The following PLK3 variants were observed in gnomAD, a reference collection of about 807,000 sequenced individuals.
PLK3 encodes the protein polo like kinase 3.
In PLK3, 41 loss-of-function variants were observed where a neutral mutation model predicts 71.6. The observed-to-expected ratio is 0.57, with a 90% CI of 0.45 to 0.74. The LOEUF is 0.74. Ranked by LOEUF, PLK3 falls within the 30% of genes least tolerant of loss-of-function variation. The pLI is 0.00. For missense variants in PLK3, 791 were observed against 875.6 expected (o/e 0.90, Z 1.22); for synonymous variants, 366 against 355.4 (o/e 1.03, Z -0.33).
rs551017916 is a variant in PLK3 at position 44,801,506 on chromosome 1, C to G, written c.436-116C>G. 24 of 1,142,828 alleles carry G rather than the reference C, an allele frequency of 2.1e-5. No homozygotes were observed. In the African/African-American group the frequency reaches 3.7e-4, roughly 17 times the overall value. The allele number at this position is 1,142,828 out of a possible 1,614,324, so 70.8% of individuals were successfully genotyped here. ...TACAGGCGTGAGCCACTACACCCAG[C>G]CGAGAAGACAGTCTTAAGACCCAAA... On this transcript the variant is annotated intron_variant, in intron 3 of 14. Coordinates refer to ENST00000372201, the MANE Select transcript of PLK3 (RefSeq NM_004073.4).
At position 44,803,839 on chromosome 1, in the gene PLK3, G is replaced by A; in HGVS notation, c.1165-92G>A. On this transcript the variant is annotated intron_variant, in intron 9 of 14. Transcript: ENST00000372201. The surrounding 1 kb of genome is among the most constrained non-coding windows in gnomAD (Gnocchi z 4.3). ...ACCAGCCTGGCGGGGCTGACCTGGGGTGCCCTGGGAGCCAGGGCAGGGCCA... is the reference window on the plus strand; with the variant it reads ...ACCAGCCTGGCGGGGCTGACCTGGGATGCCCTGGGAGCCAGGGCAGGGCCA... 1 of 1,152,598 alleles carries A rather than the reference G, an allele frequency of 8.7e-7. No individual in the cohort carries two copies. Among genetic ancestry groups the A allele is most frequent in the Non-Finnish European group, 1.3e-6 (1 of 789,622 alleles). 71.4% of individuals were successfully genotyped at this position (1,152,598 alleles called of 1,614,324 possible). A position where few individuals can be genotyped will look rare whatever the true frequency, so the allele number is the denominator to read the frequency against.
Position 44,804,511 on chromosome 1 carries a change from G to GT in PLK3, c.1505+12dup, listed in dbSNP as rs1557624092. On this transcript the variant is annotated intron_variant, in intron 12 of 14. Transcript: ENST00000372201. ...TGTCGGCCAACAGAAAGTAAGTGCTGTTATGGGGTGCCTTGTATTCAGGCC... is the reference window on the plus strand; with the variant it reads ...TGTCGGCCAACAGAAAGTAAGTGCTGTTTATGGGGTGCCTTGTATTCAGGCC... 1 of 1,613,776 alleles carries GT rather than the reference G, an allele frequency of 6.2e-7. No homozygotes were observed. Among genetic ancestry groups the GT allele is most frequent in the Admixed American group, 1.7e-5 (1 of 60,008 alleles).
rs1305086641 is a variant in PLK3, at chr1:44,802,623, A to T, written c.654-137A>T. The T allele has an allele frequency of 5.9e-6, 4 of 673,692 alleles. No homozygotes were observed. The South Asian group carries it at 6.9e-5, about 12-fold the overall frequency. 41.7% of individuals were successfully genotyped at this position (673,692 alleles called of 1,614,324 possible). On this transcript the variant is annotated intron_variant, in intron 5 of 14. Transcript: ENST00000372201. ...GACTCAGCTGCCATCCCTGGCATCC[A>T]TTGTCCCAGGACAAGCAGGAGTTCT...
intron 4 of PLK3, 30 bp downstream of exon 4, chr1:44,801,781 G>T (rs750369907): frequency 3.8e-5 from 32 of 840,988 alleles, no homozygotes; most frequent in Admixed American, 1.2e-4. Context: ...AGGATGGGAG[G>T]TTGGGGAGGG....
chr1:44,805,226 C>G (rs1573615017), intron 13 of PLK3, 40 bp from the exon 14 acceptor site: 1 of 1,367,790 alleles, frequency 7.3e-7, no homozygotes, highest in Non-Finnish European at 1.0e-6. Flanking sequence ...AGGGGGCTGT[C>G]TCACGCTGGA....
intron 5 of PLK3, 70 bp from the exon 6 acceptor site, chr1:44,802,690 G>T (rs952094584): frequency 3.9e-5 from 41 of 1,040,914 alleles, no homozygotes; most frequent in Non-Finnish European, 5.9e-5. Flanking sequence ...TGGACTAACA[G>T]TGGGGGAAGG....
intron 12 of PLK3, 73 bp from the exon 13 acceptor site, chr1:44,804,577 C>T: frequency 6.2e-7 from 1 of 1,603,492 alleles, no homozygotes; most frequent in Non-Finnish European, 8.5e-7. Context: ...TGCTCCTGGG[C>T]TCAGGGGTCT....
At chr1:44,804,073 A>T in intron 10 of PLK3, 49 bp downstream of exon 10, 1 of 1,546,866 alleles carries the variant, frequency 6.5e-7, no homozygotes, top group Non-Finnish European at 8.9e-7. Flanking sequence ...TGGAGCTGAG[A>T]TCAGGGGCGA....
At position 44,805,589 on chromosome 1, in the gene PLK3, T is replaced by C. The variant is rs17881786; in HGVS notation, c.1852T>C (p.Ser618Pro). The C allele has an allele frequency of 2.9e-5, 47 of 1,614,062 alleles. No homozygotes were observed. The East Asian group carries it at 1.0e-3, about 34-fold the overall frequency. Residue 618 changes from serine (S) to proline (P), a missense_variant, in exon 15 of 15, where the codon TCC becomes CCC. Transcript: ENST00000372201. ...TCGTAGTGCTTGTACTTACCTCGCT[T>C]CCCACCTTCGGCAGCTGGGCTGCTC... ...RNRSACTYLA[S>P]HLRQLGCSPD... is the part of the protein sequence containing the mutation.
rs761731550 is a variant in PLK3, at chr1:44,800,859, A to G, written c.230A>G (p.Tyr77Cys). 6 of 1,610,850 alleles carry G rather than the reference A, an allele frequency of 3.7e-6. No homozygotes were observed. The Admixed American group carries it at 6.7e-5, about 18-fold the overall frequency. ...TCACAGGGGGGCTTCGCCCGCTGCT[A>G]CGAGGCCACTGACACAGAGACTGGC... Reference protein sequence around the residue: ...LLGKGGFARCYEATDTETGSA... With the variant: ...LLGKGGFARCCEATDTETGSA... The change falls in exon 2 of 15, where the codon TAC becomes TGC. Residue 77 changes from tyrosine to cysteine, a missense_variant. Physicochemically the swap from Tyr to Cys is radical, Grantham distance 194. Coordinates refer to ENST00000372201, the MANE Select transcript of PLK3 (RefSeq NM_004073.4). This position sits in a 1 kb window ranked among gnomAD's most constrained non-coding sequence, Gnocchi z 6.5.
chr1:44,804,174 G>A lies in PLK3; in HGVS notation c.1270G>A (p.Gly424Ser). ...LASSGDGFEE[G>S]LTVATVVESA... ...CCTGTCTCCTTCAGGATTTGAAGAAGGTCTGACTGTGGCCACAGTAGTGGA... is the reference window on the plus strand; with the variant it reads ...CCTGTCTCCTTCAGGATTTGAAGAAAGTCTGACTGTGGCCACAGTAGTGGA... Residue 424 changes from glycine (G) to serine (S), a missense_variant, in exon 11 of 15, where the codon GGT becomes AGT. Coordinates refer to ENST00000372201, the MANE Select transcript of PLK3 (RefSeq NM_004073.4). 1 of 1,613,750 alleles carries A rather than the reference G, an allele frequency of 6.2e-7. No homozygotes were observed. Among genetic ancestry groups the A allele is most frequent in the Non-Finnish European group, 8.5e-7 (1 of 1,179,656 alleles).
chr1:44,800,874 CAG>C lies in PLK3; in HGVS notation c.249_250del (p.Glu83AspfsTer27), dbSNP rs1651804480. ...GCCCGCTGCTACGAGGCCACTGACA[CAG>C]AGACTGGCAGCGCCTACGCTGTCAA... On this transcript the variant is annotated frameshift_variant, in exon 2 of 15. Transcript: ENST00000372201. LOFTEE classifies it high-confidence loss of function. The surrounding 1 kb of genome is among the most constrained non-coding windows in gnomAD (Gnocchi z 6.5). 6.2e-7 allele frequency: 1 copy of C among 1,611,804 alleles called. No homozygotes were observed. Among genetic ancestry groups the C allele is most frequent in the Non-Finnish European group, 8.5e-7 (1 of 1,179,828 alleles).
Position 44,800,510 on chromosome 1 carries a change from C to T in PLK3, c.47C>T (p.Ala16Val). The T allele has an allele frequency of 6.9e-7, 1 of 1,450,508 alleles. No homozygotes were observed. Among genetic ancestry groups the T allele is most frequent in the Non-Finnish European group, 9.0e-7 (1 of 1,109,084 alleles). The allele number at this position is 1,450,508 out of a possible 1,614,324, so 89.9% of individuals were successfully genotyped here. ...CTGTCTCCGCGCCCCTTCCAGCGTG[C>T]GGCCGCCGCGCCCGCTCCCCCGGCC... ...GFLSPRPFQR[A>V]AAAPAPPAGP... Residue 16 changes from alanine (A) to valine (V), a missense_variant, in exon 1 of 15, where the codon GCG (alanine) becomes GTG (valine). Coordinates refer to ENST00000372201, the MANE Select transcript of PLK3 (RefSeq NM_004073.4). This position sits in a 1 kb window ranked among gnomAD's most constrained non-coding sequence, Gnocchi z 6.5.
chr1:44,800,903 G>A lies in PLK3; in HGVS notation c.274G>A (p.Val92Ile). 6.2e-7 allele frequency: 1 copy of A among 1,612,442 alleles called. No individual in the cohort carries two copies. Among genetic ancestry groups the A allele is most frequent in the South Asian group, 1.1e-5 (1 of 91,058 alleles). Reference sequence around the variant, plus strand: ...GACTGGCAGCGCCTACGCTGTCAAAGTCATCCCGCAGAGCCGCGTCGCCAA... The same window carrying A: ...GACTGGCAGCGCCTACGCTGTCAAAATCATCCCGCAGAGCCGCGTCGCCAA... The part of the protein sequence containing the change: ...TETGSAYAVK[V>I]IPQSRVAKPH... Residue 92 changes from valine to isoleucine, a missense_variant, in exon 2 of 15, where the codon GTC (valine) becomes ATC (isoleucine). Coordinates refer to ENST00000372201, the MANE Select transcript of PLK3 (RefSeq NM_004073.4). The surrounding 1 kb of genome is among the most constrained non-coding windows in gnomAD (Gnocchi z 6.5).
chr1:44,801,188 G>A, intron 3 of PLK3, 36 bp downstream of exon 3: 1 of 1,023,816 alleles, frequency 9.8e-7, no homozygotes, highest in Non-Finnish European at 1.5e-6. Flanking sequence ...ATGAGAGTGA[G>A]GGAGAGAAGA....
chr1:44,802,775 C>T lies in PLK3; in HGVS notation c.669C>T (p.Thr223=). ...CCTCTTTCAGGACCATCTGTGGCAC[C>T]CCCAACTATGTGGCTCCAGAAGTGC... ...PEQRKKTICG[T]PNYVAPEVLL... Residue 223 remains threonine (T), a synonymous_variant, in exon 6 of 15, where the codon ACC becomes ACT. Transcript: ENST00000372201. 6.2e-7 allele frequency: 1 copy of T among 1,613,188 alleles called. No homozygotes were observed. Among genetic ancestry groups the T allele is most frequent in the Non-Finnish European group, 8.5e-7 (1 of 1,179,658 alleles).
chr1:44,805,759 C>T lies in PLK3; in HGVS notation c.*81C>T. ...GTGGCCTTCCCCCTTCCTTTGGTGC[C>T]TCACTGGGGGCTTTGGGCCGAATCC... On this transcript the variant is annotated 3_prime_UTR_variant, in exon 15 of 15. Coordinates refer to ENST00000372201, the MANE Select transcript of PLK3 (RefSeq NM_004073.4). The T allele has an allele frequency of 3.4e-6, 5 of 1,452,642 alleles. No individual in the cohort carries two copies. Among genetic ancestry groups the T allele is most frequent in the South Asian group, 2.4e-5 (2 of 82,608 alleles). The allele number at this position is 1,452,642 out of a possible 1,614,324, so 90.0% of individuals were successfully genotyped here. A position where few individuals can be genotyped will look rare whatever the true frequency, so the allele number is the denominator to read the frequency against.
rs751138629 is a variant in PLK3 at position 44,804,167 on chromosome 1, TGAA to T, written c.1268_1270del (p.Glu423del). On this transcript the variant is annotated inframe_deletion, in exon 11 of 15. Transcript: ENST00000372201. ...TCAGTGCCCTGTCTCCTTCAGGATT[TGAA>T]GAAGGTCTGACTGTGGCCACAGTAG... 8 of 1,613,468 alleles carry T rather than the reference TGAA, an allele frequency of 5.0e-6. No homozygotes were observed. The highest frequency in any genetic ancestry group is 1.7e-5 in the Admixed American group (1 of 59,982).
chr1:44,803,578 CG>C lies in PLK3; in HGVS notation c.1073-20del. 6.2e-7 allele frequency: 1 copy of C among 1,604,792 alleles called. No individual in the cohort carries two copies. The highest frequency in any genetic ancestry group is 8.5e-7 in the Non-Finnish European group (1 of 1,171,810). ...GAGGGGCTGGGCAGGATACTGAGGA[CG>C]GTATCACCTTTCACCCCCAGGTAAG... On this transcript the variant is annotated intron_variant, in intron 8 of 14. Transcript: ENST00000372201. The surrounding 1 kb of genome is among the most constrained non-coding windows in gnomAD (Gnocchi z 4.3).
Sources: allele counts gnomAD v4.1 joint callset, GRCh38; gene constraint gnomAD v4.1.1; non-coding constraint Gnocchi (gnomAD v3.1); transcripts MANE v1.5; gene names NCBI Gene and HGNC (gene_info 2026-07-23, HGNC 2026-07-21).